Variants in RSF1 observed in about 807,000 individuals in gnomAD.
RSF1 encodes remodeling and spacing factor 1.
RSF1 carries 13 observed loss-of-function variants against 145.2 expected under a neutral mutation model. The ratio of observed to expected loss-of-function variants is 0.09; its 90% CI spans 0.06 to 0.14. RSF1 has a LOEUF of 0.14. RSF1 is among the 10% of genes least tolerant of loss of function. The pLI, the probability that RSF1 is intolerant of heterozygous loss-of-function variation, is 1.00. For synonymous variants in RSF1, 577 were observed against 592.6 expected, an observed-to-expected ratio of 0.97 and a Z score of 0.38; for missense variants, 1,517 against 1,718.2, an observed-to-expected ratio of 0.88 and a Z score of 2.07.
chr11:77,775,425 C>T (rs1485575363), intron 1 of RSF1, among the ~76,000 whole-genome samples: 1 of 152,154 alleles, frequency 6.6e-6, no homozygotes, highest in Non-Finnish European at 1.5e-5. Context: ...ATATCACTAA[C>T]CGAAGAGGGC....
intron 1 of RSF1, among the ~76,000 whole-genome samples, chr11:77,789,520 G>A (rs1948494758): frequency 6.6e-6 from 1 of 152,156 alleles, no homozygotes. Context: ...CAAGTGGCAG[G>A]CCACTATGGC....
rs117437767 is a variant in RSF1, at chr11:77,813,808, A to T, written c.187+6720T>A. Reference sequence around the variant, plus strand: ...ACTTCCTCAAAGAGCGGCCATTTATAATTTGTAAAAGGACACACACACACA... The same window carrying T: ...ACTTCCTCAAAGAGCGGCCATTTATTATTTGTAAAAGGACACACACACACA... On this transcript the variant is annotated intron_variant, in intron 1 of 15. Coordinates refer to ENST00000308488, the MANE Select transcript of RSF1 (RefSeq NM_016578.4). The T allele has an allele frequency of 1.9e-4, 48 of 247,230 alleles. 1 individual carries two copies. In the East Asian group the frequency reaches 4.2e-3, roughly 22 times the overall value. 15.3% of individuals were successfully genotyped at this position (247,230 alleles called of 1,614,324 possible).
In RSF1 at chr11:77,660,730, A is replaced by G. The variant is rs1959223408; in HGVS notation, c.*6187T>C. On this transcript the variant is annotated 3_prime_UTR_variant, in exon 16 of 16. Transcript: ENST00000308488. ...ATACCATTTATAAATTTTTATGTGG[A>G]ATTTGTATTCTTCATATGGAAACTC... 6.6e-6 allele frequency: 1 copy of G among 152,172 alleles called. No individual in the cohort carries two copies. The highest frequency in any genetic ancestry group is 6.6e-5 in the Admixed American group (1 of 15,262). 9.4% of individuals were successfully genotyped at this position (152,172 alleles called of 1,614,324 possible). A position where few individuals can be genotyped will look rare whatever the true frequency, so the allele number is the denominator to read the frequency against.
intron 9 of RSF1, 132 bp downstream of exon 9, chr11:77,691,027 A>C: frequency 1.3e-6 from 1 of 742,260 alleles, no homozygotes; most frequent in Non-Finnish European, 2.2e-6. Flanking sequence ...TACAAAAACA[A>C]AAAGGAGGCT....
intron 1 of RSF1, among the ~76,000 whole-genome samples, chr11:77,778,253 G>A (rs1186928686): frequency 2.5e-5 from 2 of 78,592 alleles, no homozygotes; most frequent in Non-Finnish European, 5.1e-5. Context: ...AGAGCATGGG[G>A]GAGGGAAGGG....
At chr11:77,793,096 A>T (rs140905830) in intron 1 of RSF1, among the ~76,000 whole-genome samples, 2 of 152,342 alleles carry the variant, frequency 1.3e-5, no homozygotes, top group East Asian at 1.9e-4. Flanking sequence ...CAACAATATG[A>T]CAGGAACAAA....
the RSF1 span, among the ~76,000 whole-genome samples, chr11:77,867,547 T>G: frequency 6.6e-6 from 1 of 152,148 alleles, no homozygotes; most frequent in Non-Finnish European, 1.5e-5. Context: ...TGGCACAGAG[T>G]TAAGTTCTCA....
At chr11:77,857,049 A>C in the RSF1 span, among the ~76,000 whole-genome samples, 1 of 152,238 alleles carries the variant, frequency 6.6e-6, no homozygotes, top group African/African-American at 2.4e-5. Context: ...TTCACTATGA[A>C]GTAATAGTGC....
At chr11:77,725,371 A>T (rs1961028963) in intron 5 of RSF1, among the ~76,000 whole-genome samples, 174 bp downstream of exon 5, 1 of 152,210 alleles carries the variant, frequency 6.6e-6, no homozygotes, top group East Asian at 1.9e-4. Flanking sequence ...AGAGCAACAT[A>T]TTTAATATTT....
chr11:77,683,072 T>C (rs935693842), intron 11 of RSF1, among the ~76,000 whole-genome samples: 3 of 150,734 alleles, frequency 2.0e-5, no homozygotes, highest in East Asian at 2.0e-4. Context: ...GCGGGTGGAT[T>C]ACCAGGTCAA....
At position 77,701,969 on chromosome 11, in the gene RSF1, T is replaced by C. The variant is rs758889909; in HGVS notation, c.1260A>G (p.Gln420=). Reference sequence around the variant, plus strand: ...AGATCCTTTTACAAGTCTCTTCCTCTTGTTTTATTTCATCTTTCAAAAACT... The same window carrying C: ...AGATCCTTTTACAAGTCTCTTCCTCCTGTTTTATTTCATCTTTCAAAAACT... ...TKEFLKDEIK[Q]EEETCKRIST... is the part of the protein sequence containing the mutation. Residue 420 remains glutamine, a synonymous_variant, in exon 6 of 16, where the codon CAA becomes CAG. Coordinates refer to ENST00000308488, the MANE Select transcript of RSF1 (RefSeq NM_016578.4). The C allele has an allele frequency of 1.5e-5, 24 of 1,613,896 alleles. No individual in the cohort carries two copies. In the African/African-American group the frequency reaches 1.9e-4, roughly 13 times the overall value.
chr11:77,711,923 C>CT (rs2135868064), intron 5 of RSF1, among the ~76,000 whole-genome samples: 1 of 152,122 alleles, frequency 6.6e-6, no homozygotes, highest in Non-Finnish European at 1.5e-5. Flanking sequence ...CTCATTCTTT[C>CT]TTTGTCTCTT....
chr11:77,814,890 G>GTT lies in RSF1; in HGVS notation c.187+5636_187+5637dup, dbSNP rs111773958. ...GTGACTTGGAAACCCCCAAAATATGGTTTTTTTTTAATTTCAGTGCCTCCT... is the reference window on the plus strand; with the variant it reads ...GTGACTTGGAAACCCCCAAAATATGGTTTTTTTTTTTAATTTCAGTGCCTCCT... On this transcript the variant is annotated intron_variant, in intron 1 of 15. Coordinates refer to ENST00000308488, the MANE Select transcript of RSF1 (RefSeq NM_016578.4). 1.1e-4 allele frequency among the ~76,000 whole-genome samples: 16 copies of GTT among 151,850 alleles called. No homozygotes were observed. In the East Asian group the frequency reaches 2.1e-3, roughly 20 times the overall value.
chr11:77,766,471 T>C (rs1475806480), intron 1 of RSF1, among the ~76,000 whole-genome samples: 1 of 148,136 alleles, frequency 6.8e-6, no homozygotes, highest in African/African-American at 2.4e-5. Context: ...ATGAGCCTAC[T>C]TGAGTGAATC....
At chr11:77,814,304 C>T (rs1948761190) in intron 1 of RSF1, among the ~76,000 whole-genome samples, 1 of 152,036 alleles carries the variant, frequency 6.6e-6, no homozygotes, top group African/African-American at 2.4e-5. Flanking sequence ...TCAAGACCAG[C>T]CTGGACAATA....
At chr11:77,756,548 C>T (rs1362704306) in intron 2 of RSF1, among the ~76,000 whole-genome samples, 4 of 152,082 alleles carry the variant, frequency 2.6e-5, no homozygotes, top group South Asian at 2.1e-4. Context: ...ACTAGACAAA[C>T]GCTCGGATAC....
rs760557393 is a variant in RSF1, at chr11:77,678,162, T to C, written c.3066-9A>G. 6.5e-7 allele frequency: 1 copy of C among 1,548,852 alleles called. No individual in the cohort carries two copies. Among genetic ancestry groups the C allele is most frequent in the East Asian group, 2.3e-5 (1 of 44,350 alleles). On this transcript the variant is annotated splice_polypyrimidine_tract_variant and intron_variant, in intron 11 of 15. Transcript: ENST00000308488. ...CATCAAACTCATCAAATCTAAAATA[T>C]ACACAATGATCACATTATAGCCTGT...
At chr11:77,740,652 T>C (rs547230540) in intron 4 of RSF1, 79 bp downstream of exon 4, 1 of 1,351,976 alleles carries the variant, frequency 7.4e-7, no homozygotes, top group South Asian at 1.2e-5. Flanking sequence ...TTCTGTCTGA[T>C]AGATAACATC....
intron 1 of RSF1, among the ~76,000 whole-genome samples, chr11:77,792,797 G>A (rs1379367013): frequency 2.0e-5 from 3 of 149,492 alleles, no homozygotes; most frequent in Non-Finnish European, 4.4e-5. Context: ...CTTTGTAAGT[G>A]AGAAAAATCT....
Sources: gnomAD v4.1 joint callset for allele counts (sites outside exome capture counted in the v4.1 genomes callset) on GRCh38, gnomAD v4.1.1 for gene constraint, MANE v1.5 for transcripts, NCBI Gene and HGNC (gene_info 2026-07-23, HGNC 2026-07-21) for gene names.